Variants in ZNF236 observed in about 807,000 individuals in gnomAD.
ZNF236 encodes regulated by glucose.
ZNF236 carries 50 observed loss-of-function variants against 191.2 expected under a neutral mutation model. The ratio of observed to expected loss-of-function variants is 0.26; its 90% CI spans 0.21 to 0.33. ZNF236 has a LOEUF of 0.33. Among genes scored for constraint, ZNF236 ranks in the 10% least tolerant of loss-of-function variants. The pLI, the probability that ZNF236 is intolerant of heterozygous loss-of-function variation, is 1.00. For missense variants in ZNF236, 1,754 were observed against 2,374.5 expected (o/e 0.74, Z 5.43); for synonymous variants, 907 against 928.8 (o/e 0.98, Z 0.43).
At chr18:76,950,025 G>A (rs557226945) in intron 27 of ZNF236, among the ~76,000 whole-genome samples, 1 of 152,048 alleles carries the variant, frequency 6.6e-6, no homozygotes, top group African/African-American at 2.4e-5. Flanking sequence ...AAATGCTAAC[G>A]ATCACCTGAG....
chr18:76,880,261 C>G lies in ZNF236; in HGVS notation c.1133C>G (p.Pro378Arg), dbSNP rs200262231. The G allele has an allele frequency of 3.7e-6, 6 of 1,613,880 alleles. No homozygotes were observed. Among genetic ancestry groups the G allele is most frequent in the Non-Finnish European group, 5.1e-6 (6 of 1,179,960 alleles). Residue 378 changes from proline (P) to arginine (R), a missense_variant, in exon 8 of 31, where the codon CCG becomes CGG. Around this residue, in one of 5 missense-constraint regions of ZNF236, gnomAD observed 336 missense variants for 495.1 expected, o/e 0.68. Coordinates refer to ENST00000320610, the MANE Select transcript of ZNF236 (RefSeq NM_001306089.2). This position sits in a 1 kb window ranked among gnomAD's most constrained non-coding sequence, Gnocchi z 5.0. ...GCGCCGGTGGAGTCGGGGCAGTCCC[C>G]GCAGCCTGGGCAGCAGCTGAGCATC... ...EPAPVESGQS[P>R]QPGQQLSITV...
rs1214681932 is a variant in ZNF236 at position 76,971,836 on chromosome 18, A to C, written c.*3497A>C. On this transcript the variant is annotated 3_prime_UTR_variant, in exon 31 of 31. Coordinates refer to ENST00000320610, the MANE Select transcript of ZNF236 (RefSeq NM_001306089.2). ...GATTTTTAAAGGAAATAGGTAAGAT[A>C]TATAGAACTGCTTTCTAGTGTATAT... is the stretch of plus-strand genomic sequence containing the variant. Among the ~76,000 whole-genome samples, 1 of 152,248 alleles carries C rather than the reference A, an allele frequency of 6.6e-6. No individual in the cohort carries two copies. Among genetic ancestry groups the C allele is most frequent in the Non-Finnish European group, 1.5e-5 (1 of 68,044 alleles).
At chr18:76,893,518 T>G (rs1977309111) in intron 9 of ZNF236, among the ~76,000 whole-genome samples, 1 of 152,208 alleles carries the variant, frequency 6.6e-6, no homozygotes, top group Non-Finnish European at 1.5e-5. Context: ...TTTCCTTTTT[T>G]TCTTTTTGAG....
At chr18:76,920,404 A>G (rs1008798868) in intron 20 of ZNF236, among the ~76,000 whole-genome samples, 3 of 151,948 alleles carry the variant, frequency 2.0e-5, no homozygotes, top group Non-Finnish European at 4.4e-5. Flanking sequence ...ATACAAAATT[A>G]GGTGGGTGTA....
chr18:76,921,538 A>G (rs1285790493), intron 20 of ZNF236, among the ~76,000 whole-genome samples: 1 of 152,114 alleles, frequency 6.6e-6, no homozygotes. Context: ...GTTTTCCAGT[A>G]GGGGTTAGTG....
chr18:76,846,036 C>G (rs1038588013), intron 1 of ZNF236, among the ~76,000 whole-genome samples: 7 of 152,184 alleles, frequency 4.6e-5, no homozygotes, highest in Non-Finnish European at 1.0e-4. Flanking sequence ...TATGCTGTTC[C>G]AGCAGGGTCC....
At chr18:76,855,349 G>A (rs78531113) in intron 3 of ZNF236, among the ~76,000 whole-genome samples, 25 of 152,328 alleles carry the variant, frequency 1.6e-4, no homozygotes, top group Middle Eastern at 3.4e-3. Flanking sequence ...AAAAAGTTAC[G>A]TCTCCTTTGG....
chr18:76,830,756 T>C (rs1975149962), intron 1 of ZNF236, among the ~76,000 whole-genome samples: 1 of 152,250 alleles, frequency 6.6e-6, no homozygotes, highest in Non-Finnish European at 1.5e-5. Flanking sequence ...AAGATGGGCC[T>C]GTCCCTTTAT....
chr18:76,829,086 A>G (rs924792113), intron 1 of ZNF236, among the ~76,000 whole-genome samples: 20 of 152,262 alleles, frequency 1.3e-4, no homozygotes, highest in South Asian at 2.1e-4. Flanking sequence ...GGGAAAAGCT[A>G]TAGTGTAAAC....
chr18:76,836,198 G>A (rs538373054), intron 1 of ZNF236, among the ~76,000 whole-genome samples: 3 of 152,190 alleles, frequency 2.0e-5, no homozygotes, highest in South Asian at 2.1e-4. Context: ...GAGCCACCAC[G>A]CCTGGCCTAT....
At chr18:76,955,921 C>T (rs1968511621) in intron 27 of ZNF236, 64 bp from the exon 28 acceptor site, 1 of 1,520,052 alleles carries the variant, frequency 6.6e-7, no homozygotes, top group South Asian at 1.2e-5. Context: ...CGGTGTGTGT[C>T]AGTTCACAAA....
chr18:76,950,615 C>A (rs1273622337), intron 27 of ZNF236, among the ~76,000 whole-genome samples: 2 of 152,186 alleles, frequency 1.3e-5, no homozygotes, highest in African/African-American at 4.8e-5. Flanking sequence ...TCTGTAGTTA[C>A]TTCTTCTGCT....
chr18:76,836,440 G>T (rs1031721814), intron 1 of ZNF236, among the ~76,000 whole-genome samples: 44 of 151,310 alleles, frequency 2.9e-4, no homozygotes, highest in Non-Finnish European at 3.7e-4. Context: ...GCCCTTAAAC[G>T]CCTGGCCTCA....
At position 76,870,646 on chromosome 18, in the gene ZNF236, A is replaced by AGGGAGGCTG. The variant is rs1429055771; in HGVS notation, c.543-1047_543-1039dup. 1.4e-4 allele frequency among the ~76,000 whole-genome samples: 21 copies of AGGGAGGCTG among 152,234 alleles called. 1 individual carries two copies. In the South Asian group the frequency reaches 4.1e-3, roughly 30 times the overall value. On this transcript the variant is annotated intron_variant, in intron 4 of 30. Coordinates refer to ENST00000320610, the MANE Select transcript of ZNF236 (RefSeq NM_001306089.2). ...GGGATGGGTGTGTGCAGTGTGGCTG[A>AGGGAGGCTG]GGGAGGCTGGGGAGGCAGCTGTTGT... is the stretch of plus-strand genomic sequence containing the variant.
chr18:76,956,291 G>C, intron 28 of ZNF236, 109 bp downstream of exon 28: 3 of 1,358,568 alleles, frequency 2.2e-6, no homozygotes, highest in Non-Finnish European at 3.0e-6. Flanking sequence ...TGAGGAAAAG[G>C]CCGGTTTTTG....
At chr18:76,928,278 C>G (rs1336133990) in intron 25 of ZNF236, among the ~76,000 whole-genome samples, 172 bp downstream of exon 25, 1 of 152,214 alleles carries the variant, frequency 6.6e-6, no homozygotes, top group Non-Finnish European at 1.5e-5. Flanking sequence ...TAATTCAGAT[C>G]TGGCACCAGA....
chr18:76,866,584 T>C (rs777764375), intron 3 of ZNF236, among the ~76,000 whole-genome samples: 9 of 152,208 alleles, frequency 5.9e-5, no homozygotes, highest in Non-Finnish European at 8.8e-5. Context: ...GATGATCGTA[T>C]CTTCAGCAAG....
intron 30 of ZNF236, among the ~76,000 whole-genome samples, chr18:76,962,132 G>A (rs1968681167): frequency 6.6e-6 from 1 of 151,922 alleles, no homozygotes; most frequent in Non-Finnish European, 1.5e-5. Context: ...CTTGGTCCTC[G>A]CCGAAGCCAA....
chr18:76,860,661 C>G (rs1056291450), intron 3 of ZNF236, among the ~76,000 whole-genome samples: 6 of 152,270 alleles, frequency 3.9e-5, no homozygotes, highest in African/African-American at 1.4e-4. Context: ...TACTCTCATC[C>G]AAACCCTCAG....
Sources: allele counts gnomAD v4.1 joint callset (sites outside exome capture counted in the v4.1 genomes callset), GRCh38; gene constraint gnomAD v4.1.1; regional missense constraint gnomAD v4.1.1; non-coding constraint Gnocchi (gnomAD v3.1); transcripts MANE v1.5; gene names NCBI Gene and HGNC (gene_info 2026-07-23, HGNC 2026-07-21).